UQCC1: variants seen among roughly 807,000 people sequenced by gnomAD.
UQCC1 encodes the protein ubiquinol-cytochrome c reductase complex assembly factor 1.
In UQCC1, 38 loss-of-function variants were observed where a neutral mutation model predicts 48.0. The ratio of observed to expected loss-of-function variants is 0.79; its 90% CI spans 0.61 to 1.04. UQCC1 has a LOEUF of 1.04. UQCC1 is among the 50% of genes least tolerant of loss of function. The pLI is 0.00. For synonymous variants in UQCC1, 111 were observed against 129.2 expected (o/e 0.86, Z 0.95); for missense variants, 368 against 381.8 (o/e 0.96, Z 0.30).
At chr20:35,355,840 C>CTTTTTTTTCCT (rs1392020400) in intron 6 of UQCC1, among the ~76,000 whole-genome samples, 1 of 151,690 alleles carries the variant, frequency 6.6e-6, no homozygotes, top group Non-Finnish European at 1.5e-5. Context: ...ATAAATGGTA[C>CTTTTTTTTCCT]CTTCTTTATC....
At chr20:35,328,298 T>TAATCA (rs2061219411) in intron 7 of UQCC1, among the ~76,000 whole-genome samples, 1 of 152,148 alleles carries the variant, frequency 6.6e-6, no homozygotes. Flanking sequence ...TCTGAAAGAT[T>TAATCA]AATCACTCTG....
intron 7 of UQCC1, among the ~76,000 whole-genome samples, chr20:35,342,062 T>C (rs2061385744): frequency 6.6e-6 from 1 of 152,142 alleles, no homozygotes. Flanking sequence ...AGTTCCTCCA[T>C]TTTTCCTAGG....
intron 4 of UQCC1, among the ~76,000 whole-genome samples, chr20:35,380,105 C>T (rs146376081): frequency 2.5e-3 from 383 of 152,182 alleles, no homozygotes; most frequent in African/African-American, 8.7e-3. Context: ...GTAAATGTTT[C>T]TTTTCTTTTT....
intron 7 of UQCC1, among the ~76,000 whole-genome samples, chr20:35,316,195 A>G (rs1051406250): frequency 2.6e-5 from 4 of 152,226 alleles, no homozygotes; most frequent in African/African-American, 9.6e-5. Flanking sequence ...GGCATTTGGA[A>G]CTTTATGTGG....
intron 2 of UQCC1, among the ~76,000 whole-genome samples, chr20:35,390,942 T>C (rs1029612671): frequency 3.3e-5 from 5 of 152,122 alleles, no homozygotes; most frequent in African/African-American, 7.2e-5. Context: ...ACACCTATAA[T>C]CCCAGCACTT....
chr20:35,348,371 T>TTTTTG (rs142041816), intron 6 of UQCC1, among the ~76,000 whole-genome samples: 2,219 of 150,930 alleles, frequency 0.015, 48 homozygotes, highest in African/African-American at 0.049. Flanking sequence ...AGTTCATTCT[T>TTTTTG]TTTTGTTTTG....
chr20:35,303,577 C>T lies in UQCC1; in HGVS notation c.*358G>A, dbSNP rs1213386702. 1.7e-5 allele frequency: 4 copies of T among 231,240 alleles called. No homozygotes were observed. The highest frequency in any genetic ancestry group is 2.6e-5 in the Non-Finnish European group (3 of 114,384). The allele number at this position is 231,240 out of a possible 1,614,324, so 14.3% of individuals were successfully genotyped here. ...ATCTGCTCCTAGGCCACAGCAGGCC[C>T]TGGGGGGTTTCCCTTTTGAACCTAC... On this transcript the variant is annotated 3_prime_UTR_variant, in exon 10 of 10. Coordinates refer to ENST00000374385, the MANE Select transcript of UQCC1 (RefSeq NM_018244.5).
At chr20:35,407,976 C>T (rs1368086166) in intron 1 of UQCC1, among the ~76,000 whole-genome samples, 2 of 152,020 alleles carry the variant, frequency 1.3e-5, no homozygotes, top group African/African-American at 2.4e-5. Flanking sequence ...GAGCCGAGAT[C>T]ATGCCATTGC....
rs779254079 is a variant in UQCC1 at position 35,306,656 on chromosome 20, G to A, written c.765+10C>T. 2.5e-5 allele frequency: 40 copies of A among 1,606,138 alleles called. No individual in the cohort carries two copies. The highest frequency in any genetic ancestry group is 3.3e-5 in the Non-Finnish European group (39 of 1,173,160). Reference sequence around the variant, plus strand: ...CCAGGACTTGGGAGGGGAGGGAAAGGGTCACTCACCTGTTTCCTCACATAC... The same window carrying A: ...CCAGGACTTGGGAGGGGAGGGAAAGAGTCACTCACCTGTTTCCTCACATAC... On this transcript the variant is annotated intron_variant, in intron 9 of 9. Transcript: ENST00000374385.
At chr20:35,388,541 G>C (rs1036285164) in intron 2 of UQCC1, among the ~76,000 whole-genome samples, 1 of 152,048 alleles carries the variant, frequency 6.6e-6, no homozygotes, top group Non-Finnish European at 1.5e-5. Flanking sequence ...GCCTCCAGAA[G>C]TGCTGAGATT....
At chr20:35,324,578 G>A (rs1190360006) in intron 7 of UQCC1, among the ~76,000 whole-genome samples, 1 of 152,046 alleles carries the variant, frequency 6.6e-6, no homozygotes, top group Non-Finnish European at 1.5e-5. Flanking sequence ...TGCCCGCCTT[G>A]GCCTCCCAAA....
chr20:35,406,713 G>T (rs1301334088), intron 1 of UQCC1, among the ~76,000 whole-genome samples: 1 of 152,094 alleles, frequency 6.6e-6, no homozygotes, highest in Non-Finnish European at 1.5e-5. Context: ...AGTACAAATG[G>T]ATTTTTTGTT....
At chr20:35,338,031 T>A (rs35358306) in intron 7 of UQCC1, among the ~76,000 whole-genome samples, 2 of 149,676 alleles carry the variant, frequency 1.3e-5, no homozygotes, top group African/African-American at 2.5e-5. Flanking sequence ...CCTCTACCCT[T>A]AAAAAAAACA....
Position 35,314,720 on chromosome 20 carries a change from G to T in UQCC1, c.619C>A (p.His207Asn). 2 of 1,608,820 alleles carry T rather than the reference G, an allele frequency of 1.2e-6. No homozygotes were observed. The highest frequency in any genetic ancestry group is 2.2e-5 in the South Asian group (2 of 90,650). Residue 207 changes from histidine (H) to asparagine (N), a missense_variant, in exon 8 of 10, where the codon CAT becomes AAT. Transcript: ENST00000374385. Reference protein sequence around the residue: ...LKKNMILMTNHFYAAILGYDE... With the variant: ...LKKNMILMTNNFYAAILGYDE... The stretch of plus-strand genomic sequence containing the variant: ...TATCCCAAGATCGCTGCATAGAAAT[G>T]ATTTGTCATGAGGATCATGTTCTTC...
At chr20:35,390,208 C>T (rs1018188789) in intron 2 of UQCC1, among the ~76,000 whole-genome samples, 3 of 151,848 alleles carry the variant, frequency 2.0e-5, no homozygotes, top group East Asian at 1.9e-4. Flanking sequence ...GCAGATCACT[C>T]GAGGTCAGGA....
chr20:35,365,655 T>TAAA (rs34840052), intron 6 of UQCC1, among the ~76,000 whole-genome samples: 11 of 119,042 alleles, frequency 9.2e-5, no homozygotes, highest in Middle Eastern at 4.4e-3. Flanking sequence ...AGACTATGTC[T>TAAA]AAAAAAAAAA....
chr20:35,330,934 A>G (rs2061249837), intron 7 of UQCC1, among the ~76,000 whole-genome samples: 1 of 151,874 alleles, frequency 6.6e-6, no homozygotes, highest in Admixed American at 6.6e-5. Context: ...CAGTTCTCCC[A>G]CTGTCCTTCT....
chr20:35,407,927 C>T (rs1010351169), intron 1 of UQCC1, among the ~76,000 whole-genome samples: 8 of 152,080 alleles, frequency 5.3e-5, no homozygotes, highest in Non-Finnish European at 1.2e-4. Flanking sequence ...GAGGCTGAGG[C>T]GGGAGAATCA....
rs74324530 is a variant in UQCC1, at chr20:35,340,305, G to A, written c.573+6859C>T. ...TCTACCAGACGTACATGTTCAGTAG[G>A]ACCCTGCTTAAATTCGTAAGCCAAT... On this transcript the variant is annotated intron_variant, in intron 7 of 9. Coordinates refer to ENST00000374385, the MANE Select transcript of UQCC1 (RefSeq NM_018244.5). Among the ~76,000 whole-genome samples, 298 of 152,284 alleles carry A rather than the reference G, an allele frequency of 2.0e-3. 2 individuals are homozygous for A. Among genetic ancestry groups the A allele is most frequent in the Non-Finnish European group, 2.8e-3 (188 of 68,032 alleles).
Sources: gnomAD v4.1 joint callset for allele counts (sites outside exome capture counted in the v4.1 genomes callset) on GRCh38, gnomAD v4.1.1 for gene constraint, MANE v1.5 for transcripts, NCBI Gene and HGNC (gene_info 2026-07-23, HGNC 2026-07-21) for gene names.